The following EML5 variants were observed in gnomAD, a reference collection of about 807,000 sequenced individuals.
EML5 encodes echinoderm microtubule-associated protein-like 5.
Under a neutral mutation model 250.0 loss-of-function variants are expected in EML5, and 120 were observed. That is an observed-to-expected ratio of 0.48 (90% CI 0.41 to 0.56). The LOEUF (loss-of-function observed/expected upper bound fraction) is 0.56. EML5 is among the 20% of genes least tolerant of loss of function. The pLI is 0.00. For missense variants in EML5, 2,006 were observed against 2,437.6 expected (o/e 0.82, Z 3.73); for synonymous variants, 771 against 806.5 (o/e 0.96, Z 0.75).
Position 88,615,917 on chromosome 14 carries a change from A to AT in EML5, c.5898-64dup, listed in dbSNP as rs1232135676. 1.9e-5 allele frequency: 30 copies of AT among 1,548,584 alleles called. No homozygotes were observed. The Admixed American group carries it at 5.8e-4, about 30-fold the overall frequency. On this transcript the variant is annotated intron_variant, in intron 43 of 43. Coordinates refer to ENST00000554922, the MANE Select transcript of EML5 (RefSeq NM_183387.3). ...GTTTTTAGATTTTCATAACAGTTTAATATTTTTCAGTTGTGCTTTCAGGTT... is the reference window on the plus strand; with the variant it reads ...GTTTTTAGATTTTCATAACAGTTTAATTATTTTTCAGTTGTGCTTTCAGGTT...
chr14:88,721,220 C>T (rs891432530), intron 8 of EML5, among the ~76,000 whole-genome samples: 2 of 152,118 alleles, frequency 1.3e-5, no homozygotes, highest in African/African-American at 4.8e-5. Flanking sequence ...AATGCTATTC[C>T]CATTAAACTA....
intron 2 of EML5, among the ~76,000 whole-genome samples, chr14:88,750,977 C>T (rs1159195280): frequency 2.6e-5 from 4 of 152,192 alleles, no homozygotes; most frequent in Admixed American, 2.6e-4. Context: ...TCTGGTATAG[C>T]TCATCAAATA....
chr14:88,691,899 TAAGA>T (rs1020385584), intron 17 of EML5, among the ~76,000 whole-genome samples: 13 of 152,182 alleles, frequency 8.5e-5, no homozygotes, highest in Non-Finnish European at 1.6e-4. Flanking sequence ...TAATCAAACT[TAAGA>T]AAGAAAGTTA....
chr14:88,694,107 T>C (rs535029714), intron 17 of EML5, among the ~76,000 whole-genome samples, 200 bp downstream of exon 17: 2 of 152,182 alleles, frequency 1.3e-5, no homozygotes, highest in South Asian at 2.1e-4. Context: ...AGACCATTTG[T>C]TGAAACTAAG....
rs532298977 is a variant in EML5 at position 88,620,869 on chromosome 14, C to T, written c.5260G>A (p.Glu1754Lys). The stretch of plus-strand genomic sequence containing the variant: ...ATTCCAATAGCCACCATGTCCCCTT[C>T]AGGGCTGTAACACACAGTACGAGCA... ...HAARTVCYSP[E>K]GDMVAIGMKN... Residue 1754 changes from glutamate to lysine, a missense_variant, in exon 39 of 44, where the codon GAA becomes AAA. Transcript: ENST00000554922. This position sits in a 1 kb window ranked among gnomAD's most constrained non-coding sequence, Gnocchi z 4.3. 285 of 1,581,600 alleles carry T rather than the reference C, an allele frequency of 1.8e-4. 2 individuals carry two copies. The South Asian group carries it at 2.5e-3, about 14-fold the overall frequency.
In EML5 at chr14:88,736,569, G is replaced by A. The variant is rs1009533427; in HGVS notation, c.848-4C>T. 2.5e-6 allele frequency: 4 copies of A among 1,613,250 alleles called. No individual in the cohort carries two copies. Among genetic ancestry groups the A allele is most frequent in the Non-Finnish European group, 3.4e-6 (4 of 1,179,500 alleles). ...CACACACTCCTTACAGACAAACCTA[G>A]TAAAAAGTAAATTGTATTTAATATA... On this transcript the variant is annotated splice_region_variant and splice_polypyrimidine_tract_variant and intron_variant, in intron 6 of 43. Transcript: ENST00000554922.
At chr14:88,787,575 A>T (rs945368693) in intron 1 of EML5, among the ~76,000 whole-genome samples, 8 of 152,174 alleles carry the variant, frequency 5.3e-5, no homozygotes, top group African/African-American at 1.9e-4. Flanking sequence ...CATCTATTAC[A>T]ACTTCAACTA....
chr14:88,685,102 T>A lies in EML5; in HGVS notation c.2895A>T (p.Ser965=). The A allele has an allele frequency of 6.2e-7, 1 of 1,610,284 alleles. No individual in the cohort carries two copies. The highest frequency in any genetic ancestry group is 1.3e-5 in the African/African-American group (1 of 74,944). ...CAACTAAAATATGACCATGTCCTAA[T>A]GATATGGCACGTATAGATGGATTAT... is the stretch of plus-strand genomic sequence containing the variant. The part of the protein sequence containing the change: ...LEDNPSIRAI[S]LGHGHILVGT... The change falls in exon 20 of 44, where the codon TCA becomes TCT. Residue 965 remains serine, a synonymous_variant. Coordinates refer to ENST00000554922, the MANE Select transcript of EML5 (RefSeq NM_183387.3).
At chr14:88,746,059 T>C in intron 3 of EML5, 126 bp downstream of exon 3, 2 of 666,842 alleles carry the variant, frequency 3.0e-6, no homozygotes, top group Non-Finnish European at 5.0e-6. Flanking sequence ...TATTTACCAA[T>C]TGTAAAATTT....
At chr14:88,777,377 C>T (rs2094456783) in intron 1 of EML5, among the ~76,000 whole-genome samples, 1 of 152,046 alleles carries the variant, frequency 6.6e-6, no homozygotes, top group Non-Finnish European at 1.5e-5. Context: ...AAAGACTTTC[C>T]CAAACAAAAG....
intron 33 of EML5, among the ~76,000 whole-genome samples, chr14:88,630,395 T>C (rs10140214): frequency 0.94 from 143,274 of 152,236 alleles, 67,855 homozygotes; most frequent in Non-Finnish European, 1. Context: ...GTGTATTTTG[T>C]CCTTTAGTCT....
rs79854697 is a variant in EML5 at position 88,748,024 on chromosome 14, G to A, written c.358-1741C>T. On this transcript the variant is annotated intron_variant, in intron 2 of 43. Coordinates refer to ENST00000554922, the MANE Select transcript of EML5 (RefSeq NM_183387.3). ...AATAAATTAAGTCCTGTAATCACCC[G>A]AGCTTCCATCTAGGAGGCAATTTCT... Among the ~76,000 whole-genome samples, 816 of 152,158 alleles carry A rather than the reference G, an allele frequency of 5.4e-3. 6 individuals are homozygous for A. Among genetic ancestry groups the A allele is most frequent in the African/African-American group, 0.019 (776 of 41,514 alleles).
In EML5 at chr14:88,782,807, C is replaced by T. The variant is rs201231006; in HGVS notation, c.197+9500G>A. Among the ~76,000 whole-genome samples, 34 of 152,268 alleles carry T rather than the reference C, an allele frequency of 2.2e-4. No homozygotes were observed. The East Asian group carries it at 4.8e-3, about 22-fold the overall frequency. Reference sequence around the variant, plus strand: ...TGTATGAAAATGCCTGGATCGGGCACGGTGGCTCACATCTGTAATCCCAGC... The same window carrying T: ...TGTATGAAAATGCCTGGATCGGGCATGGTGGCTCACATCTGTAATCCCAGC... On this transcript the variant is annotated intron_variant, in intron 1 of 43. Coordinates refer to ENST00000554922, the MANE Select transcript of EML5 (RefSeq NM_183387.3).
At chr14:88,639,164 CT>C (rs2090916746) in intron 31 of EML5, among the ~76,000 whole-genome samples, 1 of 152,156 alleles carries the variant, frequency 6.6e-6, no homozygotes, top group African/African-American at 2.4e-5. Flanking sequence ...GATCAAAATG[CT>C]ATGGGAATTC....
At chr14:88,731,274 G>A (rs909029322) in intron 7 of EML5, among the ~76,000 whole-genome samples, 12 of 134,274 alleles carry the variant, frequency 8.9e-5, no homozygotes, top group Admixed American at 5.7e-4. Context: ...CTGTGTCCAA[G>A]TGTTCTCATT....
chr14:88,790,202 T>C (rs756735002), intron 1 of EML5, among the ~76,000 whole-genome samples: 8 of 152,240 alleles, frequency 5.3e-5, no homozygotes, highest in Admixed American at 1.3e-4. Flanking sequence ...CAGTATCATA[T>C]TAAATTTGTG....
At position 88,688,475 on chromosome 14, in the gene EML5, T is replaced by C. The variant is rs1219575833; in HGVS notation, c.2540-2A>G. 2 of 1,612,916 alleles carry C rather than the reference T, an allele frequency of 1.2e-6. No individual in the cohort carries two copies. The highest frequency in any genetic ancestry group is 2.2e-5 in the East Asian group (1 of 44,876). The stretch of plus-strand genomic sequence containing the variant: ...CTTTTCTTCCAATCAATCCTCCCCC[T>C]AGTTCACAAAAAATATTATGAAAGT... On this transcript the variant is annotated splice_acceptor_variant, in intron 17 of 43. Coordinates refer to ENST00000554922, the MANE Select transcript of EML5 (RefSeq NM_183387.3). LOFTEE classifies it high-confidence loss of function.
intron 1 of EML5, among the ~76,000 whole-genome samples, chr14:88,756,690 C>T (rs1422557657): frequency 6.6e-6 from 1 of 151,908 alleles, no homozygotes; most frequent in East Asian, 1.9e-4. Flanking sequence ...TATACACTAG[C>T]AACGAACAAT....
In EML5 at chr14:88,694,367, AG is replaced by A; in HGVS notation, c.2478del (p.Tyr827MetfsTer6). The A allele has an allele frequency of 6.3e-7, 1 of 1,594,702 alleles. No homozygotes were observed. The highest frequency in any genetic ancestry group is 8.5e-7 in the Non-Finnish European group (1 of 1,170,020). ...GCTGTAATTAGTTTATCAGGCACAT[AG>A]GGGTTCATCTTTACAACAAAAATCT... ...KDKIFVVKMN[P>X]YVPDKLITAG... On this transcript the variant is annotated frameshift_variant, in exon 17 of 44. Coordinates refer to ENST00000554922, the MANE Select transcript of EML5 (RefSeq NM_183387.3). LOFTEE classifies it high-confidence loss of function.
Sources: allele counts gnomAD v4.1 joint callset (sites outside exome capture counted in the v4.1 genomes callset), GRCh38; gene constraint gnomAD v4.1.1; non-coding constraint Gnocchi (gnomAD v3.1); transcripts MANE v1.5; gene names NCBI Gene and HGNC (gene_info 2026-07-23, HGNC 2026-07-21).